Variants in CELF2 observed in about 807,000 individuals in gnomAD.
The protein encoded by CELF2 is CUG triplet repeat RNA-binding protein 2.
Under a neutral mutation model 62.6 loss-of-function variants are expected in CELF2, and 8 were observed. The ratio of observed to expected loss-of-function variants is 0.13; its 90% confidence interval spans 0.07 to 0.23. The LOEUF (loss-of-function observed/expected upper bound fraction) is 0.23, where lower values mean the gene tolerates loss of function less well. Among genes scored for constraint, CELF2 ranks in the 10% least tolerant of loss-of-function variants. The probability of loss-of-function intolerance (pLI) is 1.00; values close to 1 mark genes in which losing one functional copy is unlikely to be tolerated. For synonymous variants in CELF2, 258 were observed against 250.0 expected, an observed-to-expected ratio of 1.03 and a Z score of -0.30; for missense variants, 333 against 671.0, an observed-to-expected ratio of 0.50 and a Z score of 5.56.
the CELF2 span, chr10:10,776,598 G>A: frequency 6.1e-6 from 1 of 162,678 alleles, no homozygotes; most frequent in Non-Finnish European, 1.4e-5. Context: ...GTCAGCCACA[G>A]ACCCTGGCTG....
intron 1 of CELF2, among the ~76,000 whole-genome samples, chr10:10,906,492 C>G (rs2063347644): frequency 6.6e-6 from 1 of 152,092 alleles, no homozygotes; most frequent in Non-Finnish European, 1.5e-5. Flanking sequence ...AGCATTGAGA[C>G]AGAATCTAGA....
chr10:10,603,982 G>A, the CELF2 span, among the ~76,000 whole-genome samples: 5 of 152,160 alleles, frequency 3.3e-5, no homozygotes, highest in Admixed American at 2.0e-4. Flanking sequence ...GCCAAGGTTG[G>A]AGGATCACTT....
At chr10:10,485,743 A>T in the CELF2 span, among the ~76,000 whole-genome samples, 17 of 152,236 alleles carry the variant, frequency 1.1e-4, no homozygotes, top group African/African-American at 4.1e-4. Context: ...GGAGGGTTGC[A>T]GTGATTGTCA....
the CELF2 span, among the ~76,000 whole-genome samples, chr10:10,738,908 A>G: frequency 1.3e-5 from 2 of 152,194 alleles, no homozygotes; most frequent in Non-Finnish European, 2.9e-5. Context: ...TTATTCACTA[A>G]TTGTAAAAAA....
At chr10:11,007,988 C>G (rs538930859) in intron 1 of CELF2, among the ~76,000 whole-genome samples, 12 of 152,112 alleles carry the variant, frequency 7.9e-5, no homozygotes, top group Admixed American at 2.6e-4. Flanking sequence ...TTACCAGCTC[C>G]CGGAATTTGG....
chr10:10,651,881 T>C, the CELF2 span, among the ~76,000 whole-genome samples: 2 of 150,158 alleles, frequency 1.3e-5, no homozygotes, highest in East Asian at 3.9e-4. Context: ...AGAATGACTT[T>C]GACGAGCTGA....
At position 11,319,349 on chromosome 10, in the gene CELF2, A is replaced by C. The variant is rs2095290463; in HGVS notation, c.1097-1840A>C. On this transcript the variant is annotated intron_variant, in intron 10 of 12. Coordinates refer to ENST00000633077, the MANE Select transcript of CELF2 (RefSeq NM_001326342.2). This position sits in a 1 kb window ranked among gnomAD's most constrained non-coding sequence, Gnocchi z 4.4. ...AATAGTGGGAGGTGAGGATGAAGTA[A>C]GATCACTGGAGGAATAGAGAAATGA... The C allele has an allele frequency of 2.9e-6, 1 of 350,782 alleles. No homozygotes were observed. Among genetic ancestry groups the C allele is most frequent in the Non-Finnish European group, 5.7e-6 (1 of 176,294 alleles). The allele number at this position is 350,782 out of a possible 1,614,324, so 21.7% of individuals were successfully genotyped here. A position where few individuals can be genotyped will look rare whatever the true frequency, so the allele number is the denominator to read the frequency against.
chr10:11,048,807 G>C (rs920769662), intron 1 of CELF2, among the ~76,000 whole-genome samples: 2 of 152,200 alleles, frequency 1.3e-5, no homozygotes, highest in Admixed American at 6.5e-5. Context: ...GTATGAATTA[G>C]TTGGTTAAAA....
chr10:11,092,773 C>G (rs1444350981), intron 1 of CELF2, among the ~76,000 whole-genome samples: 2 of 152,192 alleles, frequency 1.3e-5, no homozygotes, highest in Non-Finnish European at 2.9e-5. Context: ...GCCCTCTTGC[C>G]TGTGCTGTTT....
Position 11,284,438 on chromosome 10 carries a change from AGT to A in CELF2, c.842-3974_842-3973del, listed in dbSNP as rs1270708696. 3.7e-5 allele frequency among the ~76,000 whole-genome samples: 5 copies of A among 134,036 alleles called. No individual in the cohort carries two copies. In the South Asian group the frequency reaches 1.0e-3, roughly 27 times the overall value. 87.9% of individuals were successfully genotyped at this position (134,036 alleles called of 152,430 possible). ...CTGTGTGGTAGGTGGATGATGGATGAGTGTGTGGTGGGTGGATGAGGGATGAG... is the reference window on the plus strand; with the variant it reads ...CTGTGTGGTAGGTGGATGATGGATGAGTGTGGTGGGTGGATGAGGGATGAG... On this transcript the variant is annotated intron_variant, in intron 8 of 12. Coordinates refer to ENST00000633077, the MANE Select transcript of CELF2 (RefSeq NM_001326342.2).
chr10:10,678,480 C>A, the CELF2 span, among the ~76,000 whole-genome samples: 2 of 152,130 alleles, frequency 1.3e-5, no homozygotes, highest in African/African-American at 4.8e-5. Flanking sequence ...GCACAAGGTG[C>A]ACATAGGAGG....
intron 4 of CELF2, among the ~76,000 whole-genome samples, chr10:11,252,745 T>C (rs976257306): frequency 2.0e-5 from 3 of 152,192 alleles, no homozygotes; most frequent in Non-Finnish European, 4.4e-5. Flanking sequence ...TCCATCCACG[T>C]GCTCCCACAG....
intron 2 of CELF2, among the ~76,000 whole-genome samples, chr10:10,948,940 C>A (rs889202554): frequency 3.3e-5 from 5 of 152,114 alleles, no homozygotes; most frequent in African/African-American, 1.2e-4. Flanking sequence ...GTTTCCTGCT[C>A]CTGAGTGTGG....
At chr10:11,067,766 A>G (rs1472755545) in intron 1 of CELF2, among the ~76,000 whole-genome samples, 1 of 152,244 alleles carries the variant, frequency 6.6e-6, no homozygotes, top group African/African-American at 2.4e-5. Context: ...GAGTCAGATC[A>G]GGCATGAATT....
chr10:11,203,905 G>A (rs565215557), intron 2 of CELF2, among the ~76,000 whole-genome samples: 9 of 152,272 alleles, frequency 5.9e-5, no homozygotes, highest in South Asian at 4.2e-4. Context: ...AACAGATTGC[G>A]GTGTTGTGTC....
chr10:11,003,279 C>T (rs554108888), upstream of CELF2, among the ~76,000 whole-genome samples: 2 of 152,292 alleles, frequency 1.3e-5, no homozygotes, highest in Admixed American at 1.3e-4. This position sits in a 1 kb window ranked among gnomAD's most constrained non-coding sequence, Gnocchi z 4.4. Flanking sequence ...CAATTTATTT[C>T]ACTGTAGGAA....
the CELF2 span, among the ~76,000 whole-genome samples, chr10:10,462,615 CTTTTT>C: frequency 1.0e-4 from 7 of 69,414 alleles, no homozygotes; most frequent in South Asian, 1.4e-3. Flanking sequence ...TTTTTTTCAT[CTTTTT>C]TTTTTTTTTT....
At position 11,165,345 on chromosome 10, in the gene CELF2, A is replaced by T. The variant is rs1014280752; in HGVS notation, c.75-141A>T. Reference sequence around the variant, plus strand: ...GCCTCCGCTTTGTTTTAGTTCATCAAATTTCTACGACTCATTAGGCACTTT... The same window carrying T: ...GCCTCCGCTTTGTTTTAGTTCATCATATTTCTACGACTCATTAGGCACTTT... On this transcript the variant is annotated intron_variant, in intron 1 of 12. Coordinates refer to ENST00000633077, the MANE Select transcript of CELF2 (RefSeq NM_001326342.2). This position sits in a 1 kb window ranked among gnomAD's most constrained non-coding sequence, Gnocchi z 7.4. The T allele has an allele frequency of 8.9e-6, 13 of 1,463,898 alleles. No homozygotes were observed. Among genetic ancestry groups the T allele is most frequent in the Non-Finnish European group, 1.2e-5 (13 of 1,112,762 alleles). The allele number at this position is 1,463,898 out of a possible 1,614,324, so 90.7% of individuals were successfully genotyped here. A position where few individuals can be genotyped will look rare whatever the true frequency, so the allele number is the denominator to read the frequency against.
chr10:10,671,251 T>C, the CELF2 span, among the ~76,000 whole-genome samples: 2 of 151,808 alleles, frequency 1.3e-5, no homozygotes, highest in South Asian at 4.2e-4. Flanking sequence ...CTCCATCTCC[T>C]TCCATGGCTT....
Sources: allele counts gnomAD v4.1 joint callset (sites outside exome capture counted in the v4.1 genomes callset), GRCh38; gene constraint gnomAD v4.1.1; non-coding constraint Gnocchi (gnomAD v3.1); transcripts MANE v1.5; gene names NCBI Gene and HGNC (gene_info 2026-07-23, HGNC 2026-07-21).